The following NEDD4L variants were observed in gnomAD, a reference collection of about 807,000 sequenced individuals.
The protein encoded by NEDD4L is NEDD4 like E3 ubiquitin protein ligase.
NEDD4L carries 54 observed loss-of-function variants against 148.9 expected under a neutral mutation model. The ratio of observed to expected loss-of-function variants is 0.36; its 90% CI spans 0.29 to 0.45. NEDD4L has a LOEUF of 0.45. Among genes scored for constraint, NEDD4L ranks in the 20% least tolerant of loss-of-function variants. The pLI is 1.00. For synonymous variants in NEDD4L, 433 were observed against 440.7 expected (o/e 0.98, Z 0.22); for missense variants, 856 against 1,233.8 (o/e 0.69, Z 4.59).
intron 1 of NEDD4L, among the ~76,000 whole-genome samples, chr18:58,142,040 C>CTTTTTTTTTTTTTT (rs552184742): frequency 1.2e-4 from 5 of 41,858 alleles, no homozygotes; most frequent in Non-Finnish European, 1.4e-4. Context: ...AAATTTCTTT[C>CTTTTTTTTTTTTTT]TTTTTTTTTT....
At chr18:58,308,107 G>A (rs1036627601) in intron 5 of NEDD4L, among the ~76,000 whole-genome samples, 3 of 152,128 alleles carry the variant, frequency 2.0e-5, no homozygotes, top group Admixed American at 6.5e-5. Flanking sequence ...AGAGAACCCA[G>A]TGACACATTT....
intron 1 of NEDD4L, among the ~76,000 whole-genome samples, chr18:58,132,827 G>A (rs913504052): frequency 1.3e-5 from 2 of 152,264 alleles, no homozygotes; most frequent in East Asian, 3.9e-4. Flanking sequence ...TAAGAAAATT[G>A]TCAAAACAAA....
chr18:58,115,150 C>T (rs2085716308), intron 1 of NEDD4L, among the ~76,000 whole-genome samples: 1 of 152,126 alleles, frequency 6.6e-6, no homozygotes, highest in South Asian at 2.1e-4. Flanking sequence ...GTGAACCTGG[C>T]TCACTGGCCT....
chr18:58,228,629 T>C (rs1295284874), intron 2 of NEDD4L, among the ~76,000 whole-genome samples: 1 of 152,224 alleles, frequency 6.6e-6, no homozygotes, highest in African/African-American at 2.4e-5. Flanking sequence ...CTCAAGGTGC[T>C]TAATCAGTGA....
chr18:58,334,557 C>A (rs2041469206), intron 12 of NEDD4L, among the ~76,000 whole-genome samples: 1 of 152,120 alleles, frequency 6.6e-6, no homozygotes, highest in South Asian at 2.1e-4. Context: ...AAATTTGTTT[C>A]TTCTTTTGGA....
At chr18:58,100,516 G>A (rs372660195) in intron 1 of NEDD4L, among the ~76,000 whole-genome samples, 11 of 152,228 alleles carry the variant, frequency 7.2e-5, no homozygotes, top group African/African-American at 2.6e-4. Flanking sequence ...CAAGTTTCAC[G>A]AATAGGATTA....
At position 58,277,803 on chromosome 18, in the gene NEDD4L, A is replaced by T. The variant is rs189100935; in HGVS notation, c.297+25749A>T. ...GAGATTCTGTTTATGCTGTTTTTTTAAAAAGTTAGAAATGTATTGGCATGT... is the reference window on the plus strand; with the variant it reads ...GAGATTCTGTTTATGCTGTTTTTTTTAAAAGTTAGAAATGTATTGGCATGT... On this transcript the variant is annotated intron_variant, in intron 5 of 30. Transcript: ENST00000400345. Among the ~76,000 whole-genome samples the T allele has an allele frequency of 6.6e-5, 10 of 152,268 alleles. No homozygotes were observed. The East Asian group carries it at 1.9e-3, about 29-fold the overall frequency.
chr18:58,166,648 G>T (rs374849169), intron 2 of NEDD4L, among the ~76,000 whole-genome samples: 1 of 152,220 alleles, frequency 6.6e-6, no homozygotes, highest in African/African-American at 2.4e-5. Flanking sequence ...TGCAGGTCAC[G>T]TGGGCCAGTG....
At chr18:58,338,714 G>C (rs1237005517) in intron 13 of NEDD4L, among the ~76,000 whole-genome samples, 1 of 152,126 alleles carries the variant, frequency 6.6e-6, no homozygotes, top group Non-Finnish European at 1.5e-5. Flanking sequence ...TCAGCAGTTC[G>C]AGACCAGCCT....
chr18:58,390,681 G>T lies in NEDD4L; in HGVS notation c.2691G>T (p.Arg897=). ...TCATGGACGCCGAAAAGCGTATCCG[G>T]TTACTGCAGTTTGTCACAGGGACAT... ...VLLMDAEKRI[R]LLQFVTGTSR... is the part of the protein sequence containing the mutation. Residue 897 remains arginine (R), a synonymous_variant, in exon 29 of 31, where the codon CGG becomes CGT. Transcript: ENST00000400345. 6.3e-7 allele frequency: 1 copy of T among 1,598,234 alleles called. No individual in the cohort carries two copies. Among genetic ancestry groups the T allele is most frequent in the East Asian group, 2.3e-5 (1 of 44,402 alleles).
In NEDD4L at chr18:58,151,869, A is replaced by G. The variant is rs150939059; in HGVS notation, c.49-13919A>G. Reference sequence around the variant, plus strand: ...ACTGATGGCCACTAGGACCACCCCAATGGCTTCAGGGTCAGGACAGGAAGG... The same window carrying G: ...ACTGATGGCCACTAGGACCACCCCAGTGGCTTCAGGGTCAGGACAGGAAGG... On this transcript the variant is annotated intron_variant, in intron 1 of 30. Coordinates refer to ENST00000400345, the MANE Select transcript of NEDD4L (RefSeq NM_001144967.3). 1.4e-3 allele frequency among the ~76,000 whole-genome samples: 218 copies of G among 152,178 alleles called. 1 individual carries two copies. The highest frequency in any genetic ancestry group is 4.8e-3 in the African/African-American group (198 of 41,508).
chr18:58,359,400 A>G (rs1183413370), intron 19 of NEDD4L, among the ~76,000 whole-genome samples: 16 of 152,178 alleles, frequency 1.1e-4, no homozygotes, highest in Admixed American at 1.0e-3. Flanking sequence ...GTTAAAATGA[A>G]TCACTGTCTA....
chr18:58,364,389 A>T, intron 20 of NEDD4L, 56 bp downstream of exon 20: 1 of 1,059,436 alleles, frequency 9.4e-7, no homozygotes, highest in Non-Finnish European at 1.4e-6. Context: ...AAGTTACCAC[A>T]GTCACTTCAG....
intron 18 of NEDD4L, among the ~76,000 whole-genome samples, chr18:58,355,418 CT>C (rs2044474677): frequency 1.3e-5 from 2 of 152,306 alleles, no homozygotes; most frequent in African/African-American, 4.8e-5. Context: ...AGCTGAAGTA[CT>C]TACGGGAAAC....
intron 19 of NEDD4L, 55 bp downstream of exon 19, chr18:58,357,307 G>A (rs762667612): frequency 1.3e-5 from 18 of 1,402,434 alleles, no homozygotes; most frequent in African/African-American, 9.9e-5. Context: ...ACGTGTTTAC[G>A]TGTTTCTTGT....
Position 58,389,200 on chromosome 18 carries a change from C to A in NEDD4L, c.2655+8C>A. On this transcript the variant is annotated splice_region_variant and intron_variant, in intron 28 of 30. Transcript: ENST00000400345. The stretch of plus-strand genomic sequence containing the variant: ...ATTCAGTGGTTCTGGAAGGTAACTC[C>A]GGGGCCCAGCCCCAGCCGGTGTCCT... The A allele has an allele frequency of 6.2e-7, 1 of 1,602,566 alleles. No homozygotes were observed. The highest frequency in any genetic ancestry group is 8.5e-7 in the Non-Finnish European group (1 of 1,170,300).
intron 5 of NEDD4L, among the ~76,000 whole-genome samples, chr18:58,315,092 A>T (rs2058116783): frequency 6.6e-6 from 1 of 152,196 alleles, no homozygotes. Flanking sequence ...AGAACTGCCC[A>T]GCTTTTACGC....
chr18:58,124,863 G>A (rs581332), intron 1 of NEDD4L, among the ~76,000 whole-genome samples: 5,346 of 152,278 alleles, frequency 0.035, 119 homozygotes, highest in Middle Eastern at 0.085. Context: ...CCTGCATGAG[G>A]AAGGCTATTA....
At chr18:58,358,337 C>T (rs992596364) in intron 19 of NEDD4L, among the ~76,000 whole-genome samples, 3 of 152,110 alleles carry the variant, frequency 2.0e-5, no homozygotes, top group East Asian at 1.9e-4. Context: ...TTTCTCTATG[C>T]GGCTTAAACA....
Sources: gnomAD v4.1 joint callset for allele counts (sites outside exome capture counted in the v4.1 genomes callset) on GRCh38, gnomAD v4.1.1 for gene constraint, MANE v1.5 for transcripts, NCBI Gene and HGNC (gene_info 2026-07-23, HGNC 2026-07-21) for gene names.